Variants in CAMTA1 observed in about 807,000 individuals in gnomAD.
The protein encoded by CAMTA1 is calmodulin-binding transcription activator 1.
CAMTA1 carries 27 observed loss-of-function variants against 170.9 expected under a neutral mutation model. The observed-to-expected ratio is 0.16, with a 90% CI of 0.12 to 0.22. The LOEUF is 0.22. Ranked by LOEUF, CAMTA1 falls within the 10% of genes least tolerant of loss-of-function variation. CAMTA1 has a pLI of 1.00. For synonymous variants in CAMTA1, 833 were observed against 891.5 expected (o/e 0.93, Z 1.17); for missense variants, 1,619 against 2,217.2 (o/e 0.73, Z 5.42).
At chr1:7,418,993 G>T (rs1414352747) in intron 5 of CAMTA1, among the ~76,000 whole-genome samples, 2 of 152,168 alleles carry the variant, frequency 1.3e-5, no homozygotes, top group Non-Finnish European at 2.9e-5. Context: ...CCCTGCAGCA[G>T]CTCCTGCCTC....
chr1:7,623,745 G>A (rs1042077717), intron 6 of CAMTA1, among the ~76,000 whole-genome samples: 3 of 152,212 alleles, frequency 2.0e-5, no homozygotes, highest in South Asian at 2.1e-4. Context: ...TGTTCCGCCC[G>A]CCTCGGCCTC....
In CAMTA1 at chr1:6,813,816, C is replaced by G. The variant is rs527320251; in HGVS notation, c.46-6365C>G. On this transcript the variant is annotated intron_variant, in intron 1 of 22. Transcript: ENST00000303635. ...TTGCTTTTGTCTCAGTGGCACAGTACCAAGACATAGCAAATCAAAGTGACC... is the reference window on the plus strand; with the variant it reads ...TTGCTTTTGTCTCAGTGGCACAGTAGCAAGACATAGCAAATCAAAGTGACC... Among the ~76,000 whole-genome samples the G allele has an allele frequency of 2.6e-5, 4 of 152,170 alleles. No individual in the cohort carries two copies. In the East Asian group the frequency reaches 7.7e-4, roughly 29 times the overall value.
In CAMTA1 at chr1:7,423,382, A is replaced by G. The variant is rs562470313; in HGVS notation, c.439-44448A>G. Among the ~76,000 whole-genome samples the G allele has an allele frequency of 3.3e-5, 5 of 151,620 alleles. No homozygotes were observed. The South Asian group carries it at 1.0e-3, about 32-fold the overall frequency. On this transcript the variant is annotated intron_variant, in intron 5 of 22. Coordinates refer to ENST00000303635, the MANE Select transcript of CAMTA1 (RefSeq NM_015215.4). ...CTACTTGGGAGGCTGAGGCAGGAGA[A>G]TCGCTTGAACCCGGAGGCAGAGGTT...
chr1:6,792,172 G>T (rs185327262), intron 1 of CAMTA1, among the ~76,000 whole-genome samples: 5 of 151,980 alleles, frequency 3.3e-5, no homozygotes, highest in Admixed American at 6.5e-5. Flanking sequence ...TGGCCAGGTT[G>T]GTCTTGAATT....
intron 6 of CAMTA1, among the ~76,000 whole-genome samples, chr1:7,493,111 C>T (rs982632140): frequency 1.1e-4 from 13 of 123,524 alleles, no homozygotes; most frequent in African/African-American, 3.8e-4. Flanking sequence ...AACCTACATA[C>T]ACACACGCGC....
intron 11 of CAMTA1, among the ~76,000 whole-genome samples, chr1:7,715,962 G>T (rs1167862155): frequency 6.6e-6 from 1 of 152,186 alleles, no homozygotes; most frequent in Non-Finnish European, 1.5e-5. Flanking sequence ...TATTTATGTG[G>T]TATATTGACT....
chr1:7,548,491 CCCCTTTAGGGGTGGAGGTGCT>C (rs2094735583), intron 6 of CAMTA1, among the ~76,000 whole-genome samples: 4 of 91,786 alleles, frequency 4.4e-5, no homozygotes, highest in Admixed American at 2.2e-4. Context: ...GTGGAGGGTG[CCCCTTTAGGGGTGGAGGTGCT>C]GGTGGAGGGT....
chr1:7,690,344 C>T (rs1291227511), intron 11 of CAMTA1, among the ~76,000 whole-genome samples: 1 of 152,090 alleles, frequency 6.6e-6, no homozygotes, highest in Non-Finnish European at 1.5e-5. Flanking sequence ...TGCTCCCTGG[C>T]CCTCATGCAG....
chr1:6,846,283 A>G (rs537666274), intron 3 of CAMTA1, among the ~76,000 whole-genome samples: 2 of 152,242 alleles, frequency 1.3e-5, no homozygotes, highest in Admixed American at 6.5e-5. Flanking sequence ...TAAAACTTTC[A>G]TATCAAATCT....
intron 6 of CAMTA1, among the ~76,000 whole-genome samples, chr1:7,559,127 C>T (rs898787451): frequency 3.9e-5 from 6 of 152,184 alleles, no homozygotes; most frequent in African/African-American, 1.2e-4. Flanking sequence ...CAGCTGGCAC[C>T]GGTGGTGCTG....
chr1:7,465,175 C>T (rs2149528114), intron 5 of CAMTA1, among the ~76,000 whole-genome samples: 1 of 152,302 alleles, frequency 6.6e-6, no homozygotes, highest in South Asian at 2.1e-4. Context: ...TGTCCTGGAG[C>T]TGCCAGTGGG....
chr1:6,806,075 C>T (rs1644484496), intron 1 of CAMTA1, among the ~76,000 whole-genome samples: 3 of 152,100 alleles, frequency 2.0e-5, no homozygotes, highest in Non-Finnish European at 4.4e-5. Context: ...CATTTTTTTG[C>T]ATGTGGATAT....
chr1:7,450,172 C>T (rs931326707), intron 5 of CAMTA1, among the ~76,000 whole-genome samples: 1 of 152,210 alleles, frequency 6.6e-6, no homozygotes, highest in Non-Finnish European at 1.5e-5. Context: ...TGTACAAGTC[C>T]TGAGCCTCTC....
intron 3 of CAMTA1, among the ~76,000 whole-genome samples, chr1:6,915,804 T>C (rs922526019): frequency 1.3e-5 from 2 of 152,216 alleles, no homozygotes; most frequent in African/African-American, 4.8e-5. Flanking sequence ...TGGCGAAGCC[T>C]GTCTCTCTGA....
At chr1:7,391,542 A>G (rs1557640931) in intron 5 of CAMTA1, among the ~76,000 whole-genome samples, 1 of 152,162 alleles carries the variant, frequency 6.6e-6, no homozygotes, top group African/African-American at 2.4e-5. Context: ...TTCTGTGGCC[A>G]TTCTGAGAGC....
intron 3 of CAMTA1, among the ~76,000 whole-genome samples, chr1:6,916,175 G>A (rs1239399707): frequency 2.6e-5 from 4 of 152,274 alleles, no homozygotes; most frequent in Non-Finnish European, 5.9e-5. Context: ...TATCGGGTGG[G>A]AATCCTCAGG....
At chr1:7,714,769 G>T (rs765547315) in intron 11 of CAMTA1, among the ~76,000 whole-genome samples, 2 of 152,012 alleles carry the variant, frequency 1.3e-5, no homozygotes. Flanking sequence ...TGATCTTCCC[G>T]CCTCGGCCTC....
Position 7,568,458 on chromosome 1 carries a change from A to G in CAMTA1, c.511-71942A>G, listed in dbSNP as rs1433108682. The stretch of plus-strand genomic sequence containing the variant: ...CCATCAACATCATCACCACATCACC[A>G]TCACCACCAACAACCATCATCAACA... On this transcript the variant is annotated intron_variant, in intron 6 of 22. Transcript: ENST00000303635. 2.7e-5 allele frequency among the ~76,000 whole-genome samples: 4 copies of G among 150,672 alleles called. No individual in the cohort carries two copies. The East Asian group carries it at 5.9e-4, about 22-fold the overall frequency.
intron 4 of CAMTA1, among the ~76,000 whole-genome samples, chr1:7,163,405 T>G (rs1296510491): frequency 6.6e-6 from 1 of 151,548 alleles, no homozygotes. Context: ...GGGGTGGACC[T>G]GGAGAGGAAG....
Sources: allele counts gnomAD v4.1 joint callset (sites outside exome capture counted in the v4.1 genomes callset), GRCh38; gene constraint gnomAD v4.1.1; transcripts MANE v1.5; gene names NCBI Gene and HGNC (gene_info 2026-07-23, HGNC 2026-07-21).